Variants in ROBO2 observed in about 807,000 individuals in gnomAD.
ROBO2 encodes roundabout homolog 2.
A neutral mutation model predicts 160.8 loss-of-function variants in ROBO2; 53 were observed. The observed-to-expected ratio is 0.33, with a 90% CI of 0.26 to 0.41. ROBO2 has a LOEUF of 0.41. ROBO2 is among the 10% of genes least tolerant of loss of function. ROBO2 has a pLI of 1.00. For missense variants in ROBO2, 1,577 were observed against 1,722.4 expected, an observed-to-expected ratio of 0.92 and a Z score of 1.49; for synonymous variants, 664 against 611.7, an observed-to-expected ratio of 1.09 and a Z score of -1.26.
chr3:76,840,490 G>T (rs1244408096), intron 2 of ROBO2, among the ~76,000 whole-genome samples: 2 of 151,210 alleles, frequency 1.3e-5, no homozygotes, highest in Admixed American at 6.6e-5. Flanking sequence ...GGCGCCTGTA[G>T]TCCCAGCTAC....
Position 77,434,898 on chromosome 3 carries a change from A to C in ROBO2, c.389-42516A>C, listed in dbSNP as rs187597631. ...ATGCACTCGCATATAAAATGAAGAA[A>C]CAGCCAGATAATGAGTACTTGATCC... On this transcript the variant is annotated intron_variant, in intron 2 of 25. Transcript: ENST00000461745. 2.6e-5 allele frequency among the ~76,000 whole-genome samples: 4 copies of C among 152,260 alleles called. No individual in the cohort carries two copies. In the East Asian group the frequency reaches 7.7e-4, roughly 29 times the overall value.
chr3:76,308,925 G>T (rs2071444591), intron 2 of ROBO2, among the ~76,000 whole-genome samples: 1 of 152,184 alleles, frequency 6.6e-6, no homozygotes, highest in Non-Finnish European at 1.5e-5. Flanking sequence ...TTTCAGGAAA[G>T]AATGATTTTC....
chr3:76,419,179 A>G (rs1159072226), intron 2 of ROBO2, among the ~76,000 whole-genome samples: 1 of 152,176 alleles, frequency 6.6e-6, no homozygotes, highest in African/African-American at 2.4e-5. Context: ...GTCAAAAATT[A>G]TGTCATCAAA....
intron 12 of ROBO2, among the ~76,000 whole-genome samples, chr3:77,567,624 A>G (rs1276910746): frequency 6.6e-6 from 1 of 152,048 alleles, no homozygotes; most frequent in Non-Finnish European, 1.5e-5. Flanking sequence ...ACATGTCTGC[A>G]TGACCTCGTG....
At chr3:77,154,764 A>G (rs1449781934) in intron 2 of ROBO2, among the ~76,000 whole-genome samples, 13 of 152,024 alleles carry the variant, frequency 8.6e-5, no homozygotes, top group Admixed American at 8.5e-4. Context: ...TCATGGCAGG[A>G]ACAGAAAACC....
At chr3:76,063,492 T>G (rs1319132959) in intron 2 of ROBO2, among the ~76,000 whole-genome samples, 1 of 151,716 alleles carries the variant, frequency 6.6e-6, no homozygotes, top group African/African-American at 2.4e-5. Context: ...CTACAGGTGT[T>G]GCCACCACAC....
chr3:77,092,903 T>C (rs1240867249), intron 1 of ROBO2, among the ~76,000 whole-genome samples: 1 of 151,524 alleles, frequency 6.6e-6, no homozygotes, highest in Non-Finnish European at 1.5e-5. Context: ...ATAAATTTAT[T>C]TATAAAATAA....
intron 2 of ROBO2, among the ~76,000 whole-genome samples, chr3:76,143,986 G>A (rs1241048623): frequency 6.6e-6 from 1 of 151,476 alleles, no homozygotes; most frequent in Non-Finnish European, 1.5e-5. Flanking sequence ...GCCTTTAACT[G>A]ATTGGATGAG....
chr3:76,770,483 A>G (rs1298117428), intron 2 of ROBO2, among the ~76,000 whole-genome samples: 1 of 151,274 alleles, frequency 6.6e-6, no homozygotes, highest in African/African-American at 2.4e-5. Context: ...TGTGGTTTTA[A>G]GAACAGTTGA....
intron 2 of ROBO2, among the ~76,000 whole-genome samples, chr3:76,801,244 C>G (rs1180307388): frequency 6.6e-6 from 1 of 152,058 alleles, no homozygotes; most frequent in East Asian, 1.9e-4. Flanking sequence ...AGTAGTATGA[C>G]AGTTACACAG....
intron 2 of ROBO2, among the ~76,000 whole-genome samples, chr3:76,876,390 T>C (rs769183352): frequency 3.3e-5 from 5 of 151,996 alleles, no homozygotes; most frequent in Non-Finnish European, 5.9e-5. Context: ...AAGAGTATCT[T>C]AAGGGTGGGC....
At chr3:76,295,126 A>T (rs2107716826) in intron 2 of ROBO2, among the ~76,000 whole-genome samples, 1 of 152,338 alleles carries the variant, frequency 6.6e-6, no homozygotes, top group Non-Finnish European at 1.5e-5. Flanking sequence ...CCATTGAATC[A>T]AAACAAGAAT....
chr3:77,149,282 GC>G (rs964441702), intron 2 of ROBO2, among the ~76,000 whole-genome samples: 4 of 151,924 alleles, frequency 2.6e-5, no homozygotes, highest in African/African-American at 9.7e-5. Context: ...TGATTTGCTT[GC>G]CTCGGGCTCC....
At chr3:76,097,806 T>C (rs941601063) in intron 2 of ROBO2, among the ~76,000 whole-genome samples, 1 of 152,164 alleles carries the variant, frequency 6.6e-6, no homozygotes, top group Non-Finnish European at 1.5e-5. Context: ...GAATATATTC[T>C]AGTTCTTGAT....
At chr3:77,295,086 A>G (rs2061893257) in intron 2 of ROBO2, among the ~76,000 whole-genome samples, 1 of 151,362 alleles carries the variant, frequency 6.6e-6, no homozygotes, top group Admixed American at 6.6e-5. Flanking sequence ...CTAAAGACAT[A>G]AAGTAAATTT....
intron 2 of ROBO2, among the ~76,000 whole-genome samples, chr3:76,870,731 C>G (rs1412767855): frequency 6.6e-6 from 1 of 152,038 alleles, no homozygotes; most frequent in Non-Finnish European, 1.5e-5. Flanking sequence ...ACCCACCTTT[C>G]TGATTGGAGT....
intron 2 of ROBO2, among the ~76,000 whole-genome samples, chr3:76,225,214 A>G (rs1399308947): frequency 6.6e-6 from 1 of 152,196 alleles, no homozygotes; most frequent in Admixed American, 6.5e-5. Context: ...CAGAAAAAAG[A>G]GCATTAAATT....
At chr3:76,739,050 G>A (rs2093759190) in intron 2 of ROBO2, among the ~76,000 whole-genome samples, 3 of 152,064 alleles carry the variant, frequency 2.0e-5, no homozygotes, top group Admixed American at 1.3e-4. Context: ...GAAATGGTGG[G>A]TACAGATTCA....
chr3:75,990,798 A>T (rs1345042557), intron 2 of ROBO2, among the ~76,000 whole-genome samples: 2 of 152,150 alleles, frequency 1.3e-5, no homozygotes, highest in East Asian at 3.9e-4. Flanking sequence ...TGACCTAAGG[A>T]ATACCCAGGG....
Sources: gnomAD v4.1 joint callset for allele counts (sites outside exome capture counted in the v4.1 genomes callset) on GRCh38, gnomAD v4.1.1 for gene constraint, MANE v1.5 for transcripts, NCBI Gene and HGNC (gene_info 2026-07-23, HGNC 2026-07-21) for gene names.